The following ATP8A2 variants were observed in gnomAD, a reference collection of about 807,000 sequenced individuals.
The protein encoded by ATP8A2 is phospholipid-transporting ATPase IB.
Under a neutral mutation model 165.6 loss-of-function variants are expected in ATP8A2, and 100 were observed. The ratio of observed to expected loss-of-function variants is 0.60; its 90% CI spans 0.51 to 0.71. The LOEUF (loss-of-function observed/expected upper bound fraction) is 0.71. ATP8A2 is among the 30% of genes least tolerant of loss of function. The pLI, the probability that ATP8A2 is intolerant of heterozygous loss-of-function variation, is 0.00. For missense variants in ATP8A2, 1,227 were observed against 1,479.5 expected, an observed-to-expected ratio of 0.83 and a Z score of 2.80; for synonymous variants, 543 against 548.8, an observed-to-expected ratio of 0.99 and a Z score of 0.15.
chr13:25,891,990 C>CTTTTCTTTTTTTTT (rs1555286004), intron 33 of ATP8A2, among the ~76,000 whole-genome samples: 2 of 142,684 alleles, frequency 1.4e-5, no homozygotes, highest in African/African-American at 5.1e-5. Flanking sequence ...AAGCCTTTTT[C>CTTTTCTTTTTTTTT]TTTTTTTTTT....
intron 33 of ATP8A2, among the ~76,000 whole-genome samples, chr13:25,951,315 A>G (rs74039435): frequency 0.043 from 6,499 of 152,334 alleles, 249 homozygotes; most frequent in African/African-American, 0.098. Context: ...ACTAAAAAGA[A>G]TGAATTACAG....
intron 27 of ATP8A2, among the ~76,000 whole-genome samples, chr13:25,823,228 G>A (rs924551250): frequency 2.6e-5 from 4 of 152,078 alleles, no homozygotes; most frequent in African/African-American, 9.7e-5. Flanking sequence ...CATTTGGCAT[G>A]TTTCTCTTAT....
chr13:25,458,752 G>C (rs1335255946), intron 1 of ATP8A2, among the ~76,000 whole-genome samples: 2 of 152,210 alleles, frequency 1.3e-5, no homozygotes, highest in Non-Finnish European at 2.9e-5. Flanking sequence ...TGGGATAAGT[G>C]AGGATAATAC....
intron 36 of ATP8A2, 80 bp from the exon 37 acceptor site, chr13:26,019,805 CAAA>C: frequency 1.0e-6 from 1 of 990,486 alleles, no homozygotes; most frequent in Non-Finnish European, 1.6e-6. Flanking sequence ...CGCACGCTGC[CAAA>C]AAAAAGCAGC....
chr13:25,615,631 T>C (rs570056745), intron 24 of ATP8A2, among the ~76,000 whole-genome samples: 4 of 152,168 alleles, frequency 2.6e-5, no homozygotes, highest in Non-Finnish European at 5.9e-5. Flanking sequence ...CCTGTGGTCT[T>C]TCCCTGATTC....
intron 1 of ATP8A2, among the ~76,000 whole-genome samples, chr13:25,445,771 T>C (rs1054838077): frequency 2.6e-5 from 4 of 152,090 alleles, no homozygotes; most frequent in Admixed American, 1.3e-4. Flanking sequence ...AGTAAATGCA[T>C]GCACGGGCTT....
chr13:25,786,675 T>C (rs1056363268), intron 27 of ATP8A2, among the ~76,000 whole-genome samples: 2 of 152,056 alleles, frequency 1.3e-5, no homozygotes, highest in African/African-American at 4.8e-5. Context: ...CTTATTTGTA[T>C]AGTATATTAT....
At chr13:25,506,964 T>TATATATATATATATATATATATA (rs2037062012) in intron 2 of ATP8A2, among the ~76,000 whole-genome samples, 1 of 146,998 alleles carries the variant, frequency 6.8e-6, no homozygotes, top group Non-Finnish European at 1.5e-5. Context: ...TATATATATC[T>TATATATATATATATATATATATA]TATTTTACAT....
intron 33 of ATP8A2, among the ~76,000 whole-genome samples, chr13:25,938,637 G>A (rs1003541781): frequency 1.3e-5 from 2 of 152,158 alleles, no homozygotes; most frequent in African/African-American, 4.8e-5. Context: ...TCTCCCAGGA[G>A]CCTCTAGGCC....
chr13:25,831,371 C>T (rs1282973789), intron 28 of ATP8A2, among the ~76,000 whole-genome samples: 5 of 151,854 alleles, frequency 3.3e-5, no homozygotes, highest in African/African-American at 9.7e-5. Flanking sequence ...CCCGCCACCG[C>T]GCCCGGCTAA....
At chr13:25,842,335 G>C (rs779728910) in intron 30 of ATP8A2, among the ~76,000 whole-genome samples, 2 of 152,130 alleles carry the variant, frequency 1.3e-5, no homozygotes, top group Admixed American at 1.3e-4. Flanking sequence ...AATTTAGGAA[G>C]GCAGATAAAA....
intron 18 of ATP8A2, among the ~76,000 whole-genome samples, chr13:25,573,025 T>C (rs377571347): frequency 6.6e-6 from 1 of 152,218 alleles, no homozygotes; most frequent in South Asian, 2.1e-4. Flanking sequence ...ATGCTTATTT[T>C]AGTCAACAAA....
At chr13:25,454,444 A>G (rs1000410231) in intron 1 of ATP8A2, among the ~76,000 whole-genome samples, 1 of 151,800 alleles carries the variant, frequency 6.6e-6, no homozygotes. Flanking sequence ...CTGAACGATG[A>G]AGATGGGGAG....
At chr13:25,701,099 A>G (rs554772627) in intron 25 of ATP8A2, among the ~76,000 whole-genome samples, 115 of 152,208 alleles carry the variant, frequency 7.6e-4, no homozygotes, top group Non-Finnish European at 1.4e-3. Context: ...CAAGTATCTC[A>G]TCAGATAGAT....
intron 24 of ATP8A2, among the ~76,000 whole-genome samples, chr13:25,670,094 G>A (rs901483750): frequency 5.9e-5 from 9 of 152,030 alleles, no homozygotes; most frequent in South Asian, 2.1e-4. Context: ...TTCTTCATTC[G>A]GCATATTCCT....
intron 30 of ATP8A2, among the ~76,000 whole-genome samples, chr13:25,844,516 A>T (rs184946109): frequency 9.5e-4 from 144 of 152,296 alleles, no homozygotes; most frequent in African/African-American, 3.4e-3. Flanking sequence ...GGTGTGAGCC[A>T]ATGCACCTGG....
At chr13:25,493,428 G>T (rs1306568516) in intron 2 of ATP8A2, among the ~76,000 whole-genome samples, 1 of 152,036 alleles carries the variant, frequency 6.6e-6, no homozygotes, top group Non-Finnish European at 1.5e-5. Flanking sequence ...CCATTTGTTG[G>T]TGTAACTTTT....
intron 25 of ATP8A2, among the ~76,000 whole-genome samples, chr13:25,712,962 C>T (rs920241104): frequency 3.3e-5 from 5 of 152,154 alleles, no homozygotes; most frequent in Non-Finnish European, 5.9e-5. Flanking sequence ...AAGAATTATC[C>T]TCATGGAACT....
intron 30 of ATP8A2, among the ~76,000 whole-genome samples, chr13:25,852,723 T>C (rs1177815214): frequency 6.6e-6 from 1 of 152,136 alleles, no homozygotes; most frequent in Non-Finnish European, 1.5e-5. Context: ...GTGCCTGTAA[T>C]CCCAGCACTT....
Sources: gnomAD v4.1 joint callset for allele counts (sites outside exome capture counted in the v4.1 genomes callset) on GRCh38, gnomAD v4.1.1 for gene constraint, MANE v1.5 for transcripts, NCBI Gene and HGNC (gene_info 2026-07-23, HGNC 2026-07-21) for gene names.